CDH15: variants seen among roughly 807,000 people sequenced by gnomAD.
CDH15 encodes the protein cadherin-15.
In CDH15, 73 loss-of-function variants were observed where a neutral mutation model predicts 69.4. The observed-to-expected ratio is 1.05, with a 90% CI of 0.87 to 1.28. The LOEUF (loss-of-function observed/expected upper bound fraction) is 1.28, where lower values mean the gene tolerates loss of function less well. Among genes scored for constraint, CDH15 ranks in the 50% most tolerant of loss-of-function variants. CDH15 has a pLI of 0.00. For missense variants in CDH15, 1,343 were observed against 1,133.6 expected (o/e 1.18, Z -2.65); for synonymous variants, 624 against 507.7 (o/e 1.23, Z -3.08).
chr16:89,193,875 C>T lies in CDH15; in HGVS notation c.2113C>T (p.Pro705Ser), dbSNP rs142909045. 98 of 1,612,182 alleles carry T rather than the reference C, an allele frequency of 6.1e-5. 1 individual carries two copies. In the African/African-American group the frequency reaches 1.1e-3, roughly 17 times the overall value. Residue 705 changes from proline (P) to serine (S), a missense_variant, in exon 13 of 14, where the codon CCC (proline) becomes TCC (serine). By Grantham distance (74) the Pro-to-Ser change is moderately conservative (BLOSUM62 -1). Transcript: ENST00000289746. ...GCACCCCCAGCCACCCCGAGTGCTG[C>T]CCACCAGCCCCCTGGACATCGCCGA... The part of the protein sequence containing the change: ...RLHPQPPRVL[P>S]TSPLDIADFI...
At chr16:89,174,367 A>G (rs185618870) in intron 1 of CDH15, among the ~76,000 whole-genome samples, 1 of 151,888 alleles carries the variant, frequency 6.6e-6, no homozygotes, top group Admixed American at 6.6e-5. Flanking sequence ...ACCCACCCAC[A>G]CGCCACCAAG....
In CDH15 at chr16:89,188,284, A is replaced by C. The variant is rs1262610778; in HGVS notation, c.977A>C (p.Lys326Thr). The C allele has an allele frequency of 6.2e-7, 1 of 1,612,858 alleles. No individual in the cohort carries two copies. Among genetic ancestry groups the C allele is most frequent in the East Asian group, 2.2e-5 (1 of 44,878 alleles). The change falls in exon 7 of 14, where the codon AAG (lysine) becomes ACG (threonine). Residue 326 changes from lysine (K) to threonine (T), a missense_variant and splice_region_variant. Lys to Thr is a moderately conservative substitution (Grantham distance 78, BLOSUM62 -1). Coordinates refer to ENST00000289746, the MANE Select transcript of CDH15 (RefSeq NM_004933.3). ...AACGAGGGTGTTCTGTCCATTGTGA[A>C]GGTGAGCGGCCCCCGGCTGGCACAC... ...KTNEGVLSIV[K>T]ALDYESCEHY...
At chr16:89,177,418 G>A (rs1915280405) in intron 1 of CDH15, among the ~76,000 whole-genome samples, 1 of 152,178 alleles carries the variant, frequency 6.6e-6, no homozygotes, top group South Asian at 2.1e-4. Context: ...GGTCTTGGAT[G>A]GTGAATATCT....
At chr16:89,181,301 G>T (rs1359632579) in intron 3 of CDH15, among the ~76,000 whole-genome samples, 4 of 152,150 alleles carry the variant, frequency 2.6e-5, no homozygotes, top group Non-Finnish European at 5.9e-5. Context: ...GATGCCCCTT[G>T]GGGGCTGGGA....
chr16:89,191,115 T>G (rs761556374), intron 8 of CDH15, among the ~76,000 whole-genome samples: 7 of 150,906 alleles, frequency 4.6e-5, no homozygotes, highest in Non-Finnish European at 8.9e-5. Context: ...CATGTGTGTG[T>G]GCTGTGCATG....
chr16:89,173,525 G>C (rs1003908495), intron 1 of CDH15, among the ~76,000 whole-genome samples: 6 of 152,152 alleles, frequency 3.9e-5, no homozygotes, highest in Admixed American at 2.6e-4. Flanking sequence ...GTGGAGGTGG[G>C]GGCCAGATGG....
At chr16:89,177,740 G>A (rs149380911) in intron 1 of CDH15, among the ~76,000 whole-genome samples, 2 of 152,186 alleles carry the variant, frequency 1.3e-5, no homozygotes, top group African/African-American at 2.4e-5. Flanking sequence ...CGGGGAGCTC[G>A]AGGGTGACCC....
At chr16:89,179,169 G>A (rs1377849216) in intron 1 of CDH15, among the ~76,000 whole-genome samples, 1 of 152,236 alleles carries the variant, frequency 6.6e-6, no homozygotes, top group Non-Finnish European at 1.5e-5. Context: ...GGGGCTTTGA[G>A]GGCCAGTACT....
rs574439589 is a variant in CDH15, at chr16:89,194,700, C to T, written c.2152-162C>T. On this transcript the variant is annotated intron_variant, in intron 13 of 13. Coordinates refer to ENST00000289746, the MANE Select transcript of CDH15 (RefSeq NM_004933.3). ...CCTCTTCACAACCCTGCTGCTGTGC[C>T]CTCAGGACGCTTTGCCTCCCCTCAG... is the stretch of plus-strand genomic sequence containing the variant. Among the ~76,000 whole-genome samples, 10 of 152,310 alleles carry T rather than the reference C, an allele frequency of 6.6e-5. No homozygotes were observed. In the East Asian group the frequency reaches 1.7e-3, roughly 26 times the overall value.
In CDH15 at chr16:89,195,172, G is replaced by A; in HGVS notation, c.*17G>A. 2 of 1,557,066 alleles carry A rather than the reference G, an allele frequency of 1.3e-6. No individual in the cohort carries two copies. Among genetic ancestry groups the A allele is most frequent in the Non-Finnish European group, 1.7e-6 (2 of 1,151,242 alleles). On this transcript the variant is annotated 3_prime_UTR_variant, in exon 14 of 14. Transcript: ENST00000289746. The stretch of plus-strand genomic sequence containing the variant: ...ACAGCCTGACCCTGGGGCGCAACTG[G>A]ACATGCCACTCCCCGGCCTCGTGGC...
At chr16:89,191,075 TGGG>T (rs376970531) in intron 8 of CDH15, among the ~76,000 whole-genome samples, 2 of 88,648 alleles carry the variant, frequency 2.3e-5, no homozygotes, top group South Asian at 4.3e-4. Flanking sequence ...ATGTGCAAGG[TGGG>T]GGGGAGTGTC....
chr16:89,185,116 G>T, intron 4 of CDH15, 57 bp from the exon 5 acceptor site: 1 of 1,524,958 alleles, frequency 6.6e-7, no homozygotes. Context: ...CCCTCACAAT[G>T]CCCCCAGCCC....
intron 1 of CDH15, among the ~76,000 whole-genome samples, chr16:89,178,680 C>G (rs965163981): frequency 6.6e-6 from 1 of 152,204 alleles, no homozygotes. Flanking sequence ...AGCTGCAGGC[C>G]GGTTCAGCCA....
intron 13 of CDH15, 57 bp from the exon 14 acceptor site, chr16:89,194,805 C>T (rs1360310919): frequency 1.7e-5 from 26 of 1,520,518 alleles, no homozygotes; most frequent in South Asian, 1.2e-4. Context: ...GTGGCCACGG[C>T]GGTGGGGCAC....
intron 1 of CDH15, among the ~76,000 whole-genome samples, chr16:89,178,634 C>T (rs1459089223): frequency 2.0e-5 from 3 of 152,112 alleles, no homozygotes; most frequent in African/African-American, 7.2e-5. Flanking sequence ...GTTGGCTGCC[C>T]AGCCCTGACG....
intron 10 of CDH15, 58 bp from the exon 11 acceptor site, chr16:89,192,147 G>T: frequency 6.8e-7 from 1 of 1,478,444 alleles, no homozygotes; most frequent in Non-Finnish European, 8.9e-7. Context: ...CGCGAGGAGG[G>T]CAGGCGAAGT....
intron 1 of CDH15, among the ~76,000 whole-genome samples, chr16:89,175,293 G>A (rs1375328577): frequency 1.3e-5 from 2 of 152,214 alleles, no homozygotes; most frequent in African/African-American, 4.8e-5. Context: ...GCCCGGGTGG[G>A]GGTGGCCCCT....
At chr16:89,180,807 T>G (rs1250782758) in intron 3 of CDH15, among the ~76,000 whole-genome samples, 3 of 151,958 alleles carry the variant, frequency 2.0e-5, no homozygotes, top group African/African-American at 7.3e-5. Flanking sequence ...CACTGCAAGC[T>G]CCGCCTCCCG....
In CDH15 at chr16:89,190,273, G is replaced by A. The variant is rs200026741; in HGVS notation, c.1009G>A (p.Glu337Lys). The change falls in exon 8 of 14, where the codon GAA becomes AAA. Residue 337 changes from glutamate to lysine, a missense_variant. Physicochemically the swap from Glu to Lys is moderately conservative, Grantham distance 56. Transcript: ENST00000289746. ...GGACTATGAGAGCTGTGAACACTAC[G>A]AACTCAAAGTGTCGGTGCAGAATGA... Reference protein sequence around the residue: ...ALDYESCEHYELKVSVQNEAP... With the variant: ...ALDYESCEHYKLKVSVQNEAP... 5.4e-5 allele frequency: 87 copies of A among 1,612,582 alleles called. No individual in the cohort carries two copies. Among genetic ancestry groups the A allele is most frequent in the Non-Finnish European group, 6.5e-5 (77 of 1,179,878 alleles).
Sources: gnomAD v4.1 joint callset for allele counts (sites outside exome capture counted in the v4.1 genomes callset) on GRCh38, gnomAD v4.1.1 for gene constraint, MANE v1.5 for transcripts, NCBI Gene and HGNC (gene_info 2026-07-23, HGNC 2026-07-21) for gene names.